The following PANK2 variants were observed in gnomAD, a reference collection of about 807,000 sequenced individuals.
The protein encoded by PANK2 is pantothenate kinase 2.
A neutral mutation model predicts 43.1 loss-of-function variants in PANK2; 36 were observed. That is an observed-to-expected ratio of 0.84 (90% confidence interval 0.64 to 1.10). PANK2 has a LOEUF of 1.10. PANK2 is among the 50% of genes least tolerant of loss of function. PANK2 has a pLI of 0.00. For missense variants in PANK2, 576 were observed against 593.3 expected, an observed-to-expected ratio of 0.97 and a Z score of 0.30; for synonymous variants, 281 against 238.2, an observed-to-expected ratio of 1.18 and a Z score of -1.66.
chr20:3,919,205 C>A (rs1322384139), intron 6 of PANK2, among the ~76,000 whole-genome samples: 1 of 152,160 alleles, frequency 6.6e-6, no homozygotes, highest in Non-Finnish European at 1.5e-5. Context: ...AACCACTGTG[C>A]CTGAACTTTT....
At chr20:3,903,254 T>G (rs1437581450) in intron 1 of PANK2, among the ~76,000 whole-genome samples, 1 of 151,626 alleles carries the variant, frequency 6.6e-6, no homozygotes, top group Non-Finnish European at 1.5e-5. Context: ...TTCAAGTGAT[T>G]CTCCTGCTTC....
chr20:3,920,714 A>G (rs929184454), intron 6 of PANK2, among the ~76,000 whole-genome samples: 1 of 151,666 alleles, frequency 6.6e-6, no homozygotes, highest in Admixed American at 6.6e-5. Context: ...ACGTGGTGGC[A>G]CATACCTGTA....
intron 5 of PANK2, among the ~76,000 whole-genome samples, chr20:3,918,095 T>C (rs1332531051): frequency 6.6e-6 from 1 of 152,226 alleles, no homozygotes; most frequent in Non-Finnish European, 1.5e-5. Flanking sequence ...GAAATGATCA[T>C]GCTCATGAAT....
intron 4 of PANK2, 68 bp from the exon 5 acceptor site, chr20:3,916,859 A>G: frequency 6.2e-7 from 1 of 1,602,730 alleles, no homozygotes; most frequent in South Asian, 1.1e-5. Flanking sequence ...TCAATAAAGT[A>G]ACATTCAAGT....
At chr20:3,909,867 T>C (rs6052167) in intron 2 of PANK2, among the ~76,000 whole-genome samples, 78,798 of 151,770 alleles carry the variant, frequency 0.52, 20,874 homozygotes, top group East Asian at 0.66. Flanking sequence ...GCTGGGATTA[T>C]AGGCGTGAGC....
At chr20:3,920,981 CTG>C (rs1159263198) in intron 6 of PANK2, among the ~76,000 whole-genome samples, 3 of 152,194 alleles carry the variant, frequency 2.0e-5, no homozygotes, top group Non-Finnish European at 4.4e-5. Context: ...CCATTTGTCC[CTG>C]TGTTTTCCAT....
intron 6 of PANK2, among the ~76,000 whole-genome samples, chr20:3,920,890 T>C (rs1009095111): frequency 3.3e-5 from 5 of 152,130 alleles, no homozygotes; most frequent in African/African-American, 1.2e-4. Context: ...ATAATAGTTA[T>C]AAGCCTTCGT....
At chr20:3,919,081 A>G (rs1278498162) in intron 6 of PANK2, among the ~76,000 whole-genome samples, 1 of 152,008 alleles carries the variant, frequency 6.6e-6, no homozygotes, top group African/African-American at 2.4e-5. Context: ...TAATTTTTGT[A>G]CTTTCAGTAG....
intron 1 of PANK2, among the ~76,000 whole-genome samples, chr20:3,905,864 C>T (rs149573047): frequency 0.069 from 10,475 of 151,022 alleles, 446 homozygotes; most frequent in East Asian, 0.15. Context: ...TACAGGTGCC[C>T]GCCACCACGC....
Position 3,927,426 on chromosome 20 carries a change from A to G in PANK2, c.*4132A>G, listed in dbSNP as rs1288821632. The stretch of plus-strand genomic sequence containing the variant: ...TAAAATAGCAATTAAATATACAAAA[A>G]TATAGCTTACAAAAAACTGCGAATG... On this transcript the variant is annotated 3_prime_UTR_variant, in exon 7 of 7. Coordinates refer to ENST00000610179, the MANE Select transcript of PANK2 (RefSeq NM_001386393.1). 2 of 152,230 alleles carry G rather than the reference A, an allele frequency of 1.3e-5. No individual in the cohort carries two copies. Among genetic ancestry groups the G allele is most frequent in the Admixed American group, 6.5e-5 (1 of 15,290 alleles). The allele number at this position is 152,230 out of a possible 1,614,324, so 9.4% of individuals were successfully genotyped here. A position where few individuals can be genotyped will look rare whatever the true frequency, so the allele number is the denominator to read the frequency against.
chr20:3,913,246 A>G (rs2090497893), intron 4 of PANK2, among the ~76,000 whole-genome samples: 1 of 152,216 alleles, frequency 6.6e-6, no homozygotes, highest in South Asian at 2.1e-4. Context: ...GGTATCATAC[A>G]GTATATGATC....
At chr20:3,888,964 C>G, upstream of PANK2, 3 of 610,806 alleles carry the variant, frequency 4.9e-6, no homozygotes, top group Non-Finnish European at 8.0e-6. Context: ...GCTGCGGGAG[C>G]ACTGCTGGGC....
rs546206207 is a variant in PANK2 at position 3,899,729 on chromosome 20, A to T, written c.299-8197A>T. On this transcript the variant is annotated intron_variant, in intron 1 of 6. Coordinates refer to ENST00000610179, the MANE Select transcript of PANK2 (RefSeq NM_001386393.1). ...TTTTTTTTTTTTTTTTTTTTTTGAG[A>T]TGGAGTCTCGCTCTGTTGCCCAGGC... Among the ~76,000 whole-genome samples, 34 of 109,052 alleles carry T rather than the reference A, an allele frequency of 3.1e-4. No homozygotes were observed. The East Asian group carries it at 8.0e-3, about 26-fold the overall frequency. 71.5% of individuals were successfully genotyped at this position (109,052 alleles called of 152,430 possible).
Position 3,910,684 on chromosome 20 carries a change from T to A in PANK2, c.759T>A (p.Phe253Leu). The stretch of plus-strand genomic sequence containing the variant: ...ATGGACGGTCACAGTGCTATTACTT[T>A]GAAAACCCTGCTGATTCTGAAAAGT... The change falls in exon 3 of 7, where the codon TTT becomes TTA. Residue 253 changes from phenylalanine (F) to leucine (L), a missense_variant. This residue lies in a region of PANK2 where 544 missense variants were observed against 528.9 expected (regional missense o/e 1.03). Transcript: ENST00000610179. The A allele has an allele frequency of 6.2e-7, 1 of 1,614,208 alleles. No individual in the cohort carries two copies. The highest frequency in any genetic ancestry group is 8.5e-7 in the Non-Finnish European group (1 of 1,180,040).
rs919446534 is a variant in PANK2 at position 3,928,467 on chromosome 20, A to C, written c.*5173A>C. The C allele has an allele frequency of 2.0e-5, 3 of 152,158 alleles. No individual in the cohort carries two copies. The highest frequency in any genetic ancestry group is 4.4e-5 in the Non-Finnish European group (3 of 68,084). 9.4% of individuals were successfully genotyped at this position (152,158 alleles called of 1,614,324 possible). ...GGGACAAAAATGAACTTAAACTAAA[A>C]AAATTATTGGCCGGGCGCAGTGGCT... On this transcript the variant is annotated 3_prime_UTR_variant, in exon 7 of 7. Transcript: ENST00000610179.
chr20:3,891,409 G>C (rs1175174385), intron 1 of PANK2: 1 of 152,170 alleles, frequency 6.6e-6, no homozygotes, highest in African/African-American at 2.4e-5. Context: ...TCGTGGCTCT[G>C]AGGTAGGTGG....
chr20:3,895,462 G>A (rs1248675866), intron 1 of PANK2, among the ~76,000 whole-genome samples: 2 of 146,568 alleles, frequency 1.4e-5, no homozygotes, highest in East Asian at 2.0e-4. Flanking sequence ...GAGCCTGGGC[G>A]ACAGAGGGAG....
intron 6 of PANK2, among the ~76,000 whole-genome samples, chr20:3,919,685 G>GT (rs2090618448): frequency 6.6e-6 from 1 of 152,198 alleles, no homozygotes; most frequent in African/African-American, 2.4e-5. Flanking sequence ...GGAAAGGCGT[G>GT]TAGGGGTTCT....
At position 3,895,927 on chromosome 20, in the gene PANK2, C is replaced by T. The variant is rs189296025; in HGVS notation, c.298+6199C>T. 5.9e-3 allele frequency among the ~76,000 whole-genome samples: 894 copies of T among 152,256 alleles called. 6 individuals carry two copies. Among genetic ancestry groups the T allele is most frequent in the Non-Finnish European group, 9.3e-3 (632 of 68,018 alleles). On this transcript the variant is annotated intron_variant, in intron 1 of 6. Transcript: ENST00000610179. Reference sequence around the variant, plus strand: ...AGAATAATTATTAAAGTACCTCTTTCAATGTTAGGCCAAGATATTGCTTTC... The same window carrying T: ...AGAATAATTATTAAAGTACCTCTTTTAATGTTAGGCCAAGATATTGCTTTC...
Sources: allele counts gnomAD v4.1 joint callset (sites outside exome capture counted in the v4.1 genomes callset), GRCh38; gene constraint gnomAD v4.1.1; regional missense constraint gnomAD v4.1.1; transcripts MANE v1.5; gene names NCBI Gene and HGNC (gene_info 2026-07-23, HGNC 2026-07-21).